LRRTM3: variants seen among roughly 807,000 people sequenced by gnomAD.
LRRTM3 encodes the protein leucine-rich repeat transmembrane neuronal protein 3.
In LRRTM3, 24 loss-of-function variants were observed where a neutral mutation model predicts 44.7. That is an observed-to-expected ratio of 0.54 (90% confidence interval 0.39 to 0.76). The LOEUF is 0.76. LRRTM3 is among the 30% of genes least tolerant of loss of function. The probability of loss-of-function intolerance (pLI) is 0.00; values close to 1 mark genes in which losing one functional copy is unlikely to be tolerated. For synonymous variants in LRRTM3, 277 were observed against 278.7 expected (o/e 0.99, Z 0.06); for missense variants, 587 against 702.2 (o/e 0.84, Z 1.85).
At chr10:66,947,540 C>T (rs1419961784) in intron 2 of LRRTM3, among the ~76,000 whole-genome samples, 2 of 152,030 alleles carry the variant, frequency 1.3e-5, no homozygotes, top group Non-Finnish European at 2.9e-5. Context: ...CACTCTGTCT[C>T]CCTCTCCCCT....
At chr10:67,060,678 CTCTCT>C (rs993972981) in intron 2 of LRRTM3, among the ~76,000 whole-genome samples, 2 of 152,016 alleles carry the variant, frequency 1.3e-5, no homozygotes, top group Non-Finnish European at 2.9e-5. Context: ...CTCTCTCTCT[CTCTCT>C]TCTTCTACCA....
intron 2 of LRRTM3, among the ~76,000 whole-genome samples, chr10:66,945,578 T>C (rs569003132): frequency 6.6e-6 from 1 of 152,214 alleles, no homozygotes; most frequent in Admixed American, 6.5e-5. Flanking sequence ...ATTCATGTGT[T>C]CACTGGAGTA....
chr10:67,062,973 GT>G (rs199866471), intron 2 of LRRTM3, among the ~76,000 whole-genome samples: 1 of 150,052 alleles, frequency 6.7e-6, no homozygotes, highest in African/African-American at 2.5e-5. Context: ...TAATCGTTTT[GT>G]TTTTTTTTCT....
intron 2 of LRRTM3, among the ~76,000 whole-genome samples, chr10:67,090,901 A>G (rs1857593887): frequency 6.6e-6 from 1 of 152,064 alleles, no homozygotes; most frequent in Non-Finnish European, 1.5e-5. Flanking sequence ...ATAATTGCTT[A>G]CACTATTTAT....
At chr10:66,954,032 A>T (rs1297088289) in intron 2 of LRRTM3, among the ~76,000 whole-genome samples, 1 of 152,230 alleles carries the variant, frequency 6.6e-6, no homozygotes, top group Non-Finnish European at 1.5e-5. Flanking sequence ...CGCAAATACT[A>T]GCTGTTACTT....
chr10:66,939,703 T>G (rs1477199642), intron 2 of LRRTM3, among the ~76,000 whole-genome samples: 3 of 152,188 alleles, frequency 2.0e-5, no homozygotes, highest in Non-Finnish European at 4.4e-5. Context: ...CACAGTAAAC[T>G]TTGTCATTCA....
chr10:67,074,605 T>C (rs2147887), intron 2 of LRRTM3, among the ~76,000 whole-genome samples: 96,180 of 151,432 alleles, frequency 0.64, 32,158 homozygotes, highest in African/African-American at 0.86. Flanking sequence ...CCACCTCGGG[T>C]TCCCAAAGTG....
rs2132742554 is a variant in LRRTM3 at position 66,955,721 on chromosome 10, A to G, written c.1536+27269A>G. ...TGTCACAAACTGGAGATCAGCCTCCATTGTTCTTCCTCTTCTGTAATTTGA... is the reference window on the plus strand; with the variant it reads ...TGTCACAAACTGGAGATCAGCCTCCGTTGTTCTTCCTCTTCTGTAATTTGA... On this transcript the variant is annotated intron_variant, in intron 2 of 2. Transcript: ENST00000361320. Among the ~76,000 whole-genome samples, 3 of 152,272 alleles carry G rather than the reference A, an allele frequency of 2.0e-5. No homozygotes were observed. In the Middle Eastern group the frequency reaches 0.01, roughly 518 times the overall value.
intron 2 of LRRTM3, among the ~76,000 whole-genome samples, chr10:66,994,559 A>G (rs10997473): frequency 3.7e-4 from 57 of 152,334 alleles, no homozygotes; most frequent in African/African-American, 1.3e-3. Flanking sequence ...AATGATACAA[A>G]AATAGCATTA....
At chr10:67,044,650 G>T (rs1479138407) in intron 2 of LRRTM3, among the ~76,000 whole-genome samples, 1 of 152,116 alleles carries the variant, frequency 6.6e-6, no homozygotes, top group Non-Finnish European at 1.5e-5. Context: ...TTTGTGAAAT[G>T]AATACAAAAG....
intron 2 of LRRTM3, among the ~76,000 whole-genome samples, chr10:66,934,448 A>G (rs1468512575): frequency 1.3e-5 from 2 of 152,142 alleles, no homozygotes; most frequent in African/African-American, 4.8e-5. Context: ...ATTATCTCCA[A>G]AAGAAAAGTT....
chr10:66,968,531 T>A (rs1184003602), intron 2 of LRRTM3, among the ~76,000 whole-genome samples: 1 of 151,634 alleles, frequency 6.6e-6, no homozygotes, highest in Non-Finnish European at 1.5e-5. Flanking sequence ...TAAAAAAACG[T>A]GGTTAGAAGC....
intron 2 of LRRTM3, among the ~76,000 whole-genome samples, chr10:67,083,256 T>C (rs899189872): frequency 2.0e-5 from 3 of 152,186 alleles, no homozygotes; most frequent in Non-Finnish European, 2.9e-5. Flanking sequence ...CTTAGCACCA[T>C]AACACAAATA....
chr10:66,985,456 AGCTG>A (rs1850675387), intron 2 of LRRTM3, among the ~76,000 whole-genome samples: 1 of 152,084 alleles, frequency 6.6e-6, no homozygotes, highest in Admixed American at 6.5e-5. Context: ...ATCAGTGGGG[AGCTG>A]GCAGGGAGGA....
In LRRTM3 at chr10:66,926,102, C is replaced by T. The variant is rs1257712259; in HGVS notation, c.-482C>T. 1 of 458,376 alleles carries T rather than the reference C, an allele frequency of 2.2e-6. No homozygotes were observed. The highest frequency in any genetic ancestry group is 4.4e-6 in the Non-Finnish European group (1 of 228,168). The allele number at this position is 458,376 out of a possible 1,614,324, so 28.4% of individuals were successfully genotyped here. A position where few individuals can be genotyped will look rare whatever the true frequency, so the allele number is the denominator to read the frequency against. On this transcript the variant is annotated 5_prime_UTR_variant, in exon 1 of 3. Coordinates refer to ENST00000361320, the MANE Select transcript of LRRTM3 (RefSeq NM_178011.5). The stretch of plus-strand genomic sequence containing the variant: ...AGCTGAGCGTGTGCGCGGTACGGGG[C>T]TCTCCTGCCTTCTGGGCTCCAACGC...
chr10:67,072,437 C>T (rs761427769), intron 2 of LRRTM3, among the ~76,000 whole-genome samples: 4 of 152,122 alleles, frequency 2.6e-5, no homozygotes, highest in South Asian at 2.1e-4. Flanking sequence ...TGTATGTCTA[C>T]GTACTCTTTT....
At chr10:66,954,459 G>A (rs1308934291) in intron 2 of LRRTM3, among the ~76,000 whole-genome samples, 3 of 152,130 alleles carry the variant, frequency 2.0e-5, no homozygotes. Context: ...AGGCTACTAT[G>A]TACAGGAGAG....
intron 2 of LRRTM3, among the ~76,000 whole-genome samples, chr10:66,954,598 T>C (rs1039500051): frequency 6.6e-6 from 1 of 152,176 alleles, no homozygotes; most frequent in Non-Finnish European, 1.5e-5. Flanking sequence ...GTTAAAATTA[T>C]GTCAAATTGT....
intron 2 of LRRTM3, among the ~76,000 whole-genome samples, chr10:67,094,653 A>G (rs1429185462): frequency 6.6e-6 from 1 of 151,814 alleles, no homozygotes; most frequent in African/African-American, 2.4e-5. Context: ...CTACATCTGT[A>G]TACAATACTT....
Sources: allele counts gnomAD v4.1 joint callset (sites outside exome capture counted in the v4.1 genomes callset), GRCh38; gene constraint gnomAD v4.1.1; transcripts MANE v1.5; gene names NCBI Gene and HGNC (gene_info 2026-07-23, HGNC 2026-07-21).